ANKS4B: variants seen among roughly 807,000 people sequenced by gnomAD.
ANKS4B encodes ankyrin repeat and SAM domain-containing protein 4B.
Under a neutral mutation model 20.2 loss-of-function variants are expected in ANKS4B, and 21 were observed. That is an observed-to-expected ratio of 1.04 (90% CI 0.74 to 1.50). ANKS4B has a LOEUF of 1.50. ANKS4B is among the 40% of genes most tolerant of loss of function. The pLI, the probability that ANKS4B is intolerant of heterozygous loss-of-function variation, is 0.00. For missense variants in ANKS4B, 473 were observed against 494.6 expected (o/e 0.96, Z 0.41); for synonymous variants, 179 against 194.5 (o/e 0.92, Z 0.66).
At chr16:21,242,696 T>C (rs1159623165) in intron 1 of ANKS4B, among the ~76,000 whole-genome samples, 1 of 152,238 alleles carries the variant, frequency 6.6e-6, no homozygotes. Flanking sequence ...TGGACACAGA[T>C]TAATGCCATA....
chr16:21,249,651 A>G, intron 1 of ANKS4B, 80 bp from the exon 2 acceptor site: 2 of 1,463,110 alleles, frequency 1.4e-6, no homozygotes, highest in Non-Finnish European at 1.8e-6. Context: ...TTTGTTCTTT[A>G]TTTTTGTTTT....
Position 21,237,567 on chromosome 16 carries a change from T to A in ANKS4B, c.164+3666T>A, listed in dbSNP as rs538177882. Reference sequence around the variant, plus strand: ...GTTGTTGCATCCTATGGCTGTGTCCTCACATGGAGGAAGGGAAGGAAGGGG... The same window carrying A: ...GTTGTTGCATCCTATGGCTGTGTCCACACATGGAGGAAGGGAAGGAAGGGG... On this transcript the variant is annotated intron_variant, in intron 1 of 1. Transcript: ENST00000311620. Among the ~76,000 whole-genome samples, 3 of 148,094 alleles carry A rather than the reference T, an allele frequency of 2.0e-5. No individual in the cohort carries two copies. The South Asian group carries it at 6.5e-4, about 32-fold the overall frequency.
Position 21,250,754 on chromosome 16 carries a change from GA to G in ANKS4B, c.1190del (p.Asn397MetfsTer32). 6.2e-7 allele frequency: 1 copy of G among 1,609,248 alleles called. No individual in the cohort carries two copies. The highest frequency in any genetic ancestry group is 8.5e-7 in the Non-Finnish European group (1 of 1,175,986). ...AGCTGGGTCCCAGGAAGAAAGTTCTGAATGCTATCAACAGGAGGAAGCAGGT... is the reference window on the plus strand; with the variant it reads ...AGCTGGGTCCCAGGAAGAAAGTTCTGATGCTATCAACAGGAGGAAGCAGGT... ...MQLGPRKKVL[N>X]AINRRKQVLQ... On this transcript the variant is annotated frameshift_variant, in exon 2 of 2. Transcript: ENST00000311620. LOFTEE classifies it high-confidence loss of function.
At position 21,252,934 on chromosome 16, in the gene ANKS4B, G is replaced by T. The variant is rs998889252; in HGVS notation, c.*2114G>T. The T allele has an allele frequency of 6.9e-6, 1 of 145,514 alleles. No individual in the cohort carries two copies. Among genetic ancestry groups the T allele is most frequent in the East Asian group, 2.1e-4 (1 of 4,712 alleles). 9.0% of individuals were successfully genotyped at this position (145,514 alleles called of 1,614,324 possible). A position where few individuals can be genotyped will look rare whatever the true frequency, so the allele number is the denominator to read the frequency against. On this transcript the variant is annotated 3_prime_UTR_variant, in exon 2 of 2. Coordinates refer to ENST00000311620, the MANE Select transcript of ANKS4B (RefSeq NM_145865.3). ...AGCTACTTGGGAGGCTGAGGCAAGA[G>T]AATTGCTTGAACCCAAAAGGTGGAG...
rs2093336716 is a variant in ANKS4B at position 21,249,930 on chromosome 16, A to G, written c.364A>G (p.Thr122Ala). The stretch of plus-strand genomic sequence containing the variant: ...TGTTGCTCTCCTGGACAAGGCTGCC[A>G]CTGCACAGAACATCATGAACCCCAA... ...ECVALLDKAA[T>A]AQNIMNPKKV... Residue 122 changes from threonine (T) to alanine (A), a missense_variant, in exon 2 of 2, where the codon ACT (threonine) becomes GCT (alanine). Physicochemically the swap from Thr to Ala is moderately conservative, Grantham distance 58. Transcript: ENST00000311620. 6.2e-7 allele frequency: 1 copy of G among 1,614,210 alleles called. No individual in the cohort carries two copies. The highest frequency in any genetic ancestry group is 1.6e-4 in the Middle Eastern group (1 of 6,062).
Position 21,251,289 on chromosome 16 carries a change from A to C in ANKS4B, c.*469A>C, listed in dbSNP as rs2093339198. The C allele has an allele frequency of 6.3e-6, 1 of 158,456 alleles. No homozygotes were observed. Among genetic ancestry groups the C allele is most frequent in the Admixed American group, 5.9e-5 (1 of 16,830 alleles). 9.8% of individuals were successfully genotyped at this position (158,456 alleles called of 1,614,324 possible). On this transcript the variant is annotated 3_prime_UTR_variant, in exon 2 of 2. Transcript: ENST00000311620. ...CCTGGCTTATTTTGTATGTTTTAGT[A>C]GAGGTGGGGTCTTGCCACATTGCCC...
At chr16:21,244,349 G>A (rs550104206) in intron 1 of ANKS4B, among the ~76,000 whole-genome samples, 18 of 152,110 alleles carry the variant, frequency 1.2e-4, no homozygotes, top group Non-Finnish European at 1.9e-4. Flanking sequence ...GTTGACAGGT[G>A]CAGCAAACCA....
intron 1 of ANKS4B, among the ~76,000 whole-genome samples, chr16:21,245,385 A>G (rs2093331080): frequency 6.6e-6 from 1 of 152,232 alleles, no homozygotes; most frequent in African/African-American, 2.4e-5. Flanking sequence ...AAAGAGACAC[A>G]GGCTTTGCCC....
Position 21,250,988 on chromosome 16 carries a change from C to A in ANKS4B, c.*168C>A. The A allele has an allele frequency of 1.2e-6, 1 of 868,540 alleles. No individual in the cohort carries two copies. The allele number at this position is 868,540 out of a possible 1,614,324, so 53.8% of individuals were successfully genotyped here. On this transcript the variant is annotated 3_prime_UTR_variant, in exon 2 of 2. Coordinates refer to ENST00000311620, the MANE Select transcript of ANKS4B (RefSeq NM_145865.3). ...ACTTTACTCTGGGAGGTAGGCTATG[C>A]CCATCCAAATAAATCTCCATGAGAA...
chr16:21,234,521 C>CACACA (rs71151624), intron 1 of ANKS4B, among the ~76,000 whole-genome samples: 16 of 149,424 alleles, frequency 1.1e-4, no homozygotes, highest in Middle Eastern at 3.5e-3. Flanking sequence ...CACACACACA[C>CACACA]CCCATCTCTT....
intron 1 of ANKS4B, among the ~76,000 whole-genome samples, chr16:21,244,817 G>C (rs2093330480): frequency 6.6e-6 from 1 of 152,188 alleles, no homozygotes; most frequent in African/African-American, 2.4e-5. Context: ...TGACTGACCA[G>C]AGCCTTCTGG....
intron 1 of ANKS4B, among the ~76,000 whole-genome samples, chr16:21,247,676 A>AT (rs1385914167): frequency 1.3e-5 from 2 of 152,244 alleles, no homozygotes; most frequent in African/African-American, 4.8e-5. Context: ...TCTGGCCATC[A>AT]TTAAAAATAG....
At position 21,249,808 on chromosome 16, in the gene ANKS4B, T is replaced by A; in HGVS notation, c.242T>A (p.Val81Asp). Reference sequence around the variant, plus strand: ...GCCTCCAATGGCCATGCCCACTGCGTCTCATTCCTGGTCAACTTTGGTGCC... The same window carrying A: ...GCCTCCAATGGCCATGCCCACTGCGACTCATTCCTGGTCAACTTTGGTGCC... Reference protein sequence around the residue: ...FAASNGHAHCVSFLVNFGANI... With the variant: ...FAASNGHAHCDSFLVNFGANI... Residue 81 changes from valine (V) to aspartate (D), a missense_variant, in exon 2 of 2, where the codon GTC (valine) becomes GAC (aspartate). By Grantham distance (152) the Val-to-Asp change is radical. Coordinates refer to ENST00000311620, the MANE Select transcript of ANKS4B (RefSeq NM_145865.3). 1 of 1,614,200 alleles carries A rather than the reference T, an allele frequency of 6.2e-7. No individual in the cohort carries two copies. The highest frequency in any genetic ancestry group is 8.5e-7 in the Non-Finnish European group (1 of 1,180,036).
intron 1 of ANKS4B, among the ~76,000 whole-genome samples, chr16:21,241,345 T>C (rs2093326292): frequency 6.6e-6 from 1 of 152,210 alleles, no homozygotes; most frequent in African/African-American, 2.4e-5. Context: ...CATTCCTGTG[T>C]TAATTTGCTA....
chr16:21,246,282 A>G (rs954027925), intron 1 of ANKS4B, among the ~76,000 whole-genome samples: 3 of 152,216 alleles, frequency 2.0e-5, no homozygotes, highest in Non-Finnish European at 2.9e-5. Context: ...GCAAAGGCAG[A>G]GGAGAACAAA....
At chr16:21,244,729 A>G (rs2093330357) in intron 1 of ANKS4B, among the ~76,000 whole-genome samples, 1 of 152,056 alleles carries the variant, frequency 6.6e-6, no homozygotes, top group Non-Finnish European at 1.5e-5. Context: ...TTTAGGGGGG[A>G]GACACAGCGG....
In ANKS4B at chr16:21,245,528, C is replaced by T. The variant is rs374614117; in HGVS notation, c.165-4203C>T. On this transcript the variant is annotated intron_variant, in intron 1 of 1. Transcript: ENST00000311620. ...TCACTTTGTCACCCAGGCTGGAGTG[C>T]GGCGGCGCAATCTCGGCTCACTGCA... 1.8e-4 allele frequency among the ~76,000 whole-genome samples: 27 copies of T among 152,110 alleles called. No homozygotes were observed. In the East Asian group the frequency reaches 3.1e-3, roughly 17 times the overall value.
At chr16:21,237,033 G>GT (rs1228146272) in intron 1 of ANKS4B, among the ~76,000 whole-genome samples, 1 of 151,902 alleles carries the variant, frequency 6.6e-6, no homozygotes, top group African/African-American at 2.4e-5. Flanking sequence ...TGTCTTTTGT[G>GT]TTTTTTTGAG....
rs954423497 is a variant in ANKS4B at position 21,243,673 on chromosome 16, G to A, written c.165-6058G>A. 8.5e-5 allele frequency among the ~76,000 whole-genome samples: 13 copies of A among 152,206 alleles called. No individual in the cohort carries two copies. The East Asian group carries it at 1.5e-3, about 18-fold the overall frequency. On this transcript the variant is annotated intron_variant, in intron 1 of 1. Coordinates refer to ENST00000311620, the MANE Select transcript of ANKS4B (RefSeq NM_145865.3). The stretch of plus-strand genomic sequence containing the variant: ...TGCAAGCTCCGCCTCCTGGGTTCAC[G>A]CCATTCTCCTGCCTCAGCCTCCCGA...
Sources: allele counts gnomAD v4.1 joint callset (sites outside exome capture counted in the v4.1 genomes callset), GRCh38; gene constraint gnomAD v4.1.1; transcripts MANE v1.5; gene names NCBI Gene and HGNC (gene_info 2026-07-23, HGNC 2026-07-21).